Variants in TSNARE1 observed in about 807,000 individuals in gnomAD.
TSNARE1 encodes t-SNARE domain containing 1, also known as t-SNARE domain-containing protein 1.
In TSNARE1, 49 loss-of-function variants were observed where a neutral mutation model predicts 62.0. That is an observed-to-expected ratio of 0.79 (90% confidence interval 0.63 to 1.00). The LOEUF is 1.00. Ranked by LOEUF, TSNARE1 falls within the 50% of genes least tolerant of loss-of-function variation. The pLI, the probability that TSNARE1 is intolerant of heterozygous loss-of-function variation, is 0.00. For synonymous variants in TSNARE1, 328 were observed against 294.4 expected (o/e 1.11, Z -1.17); for missense variants, 755 against 700.1 (o/e 1.08, Z -0.88).
At chr8:142,256,118 TCAC>T (rs796216786) in intron 12 of TSNARE1, among the ~76,000 whole-genome samples, 7 of 56,570 alleles carry the variant, frequency 1.2e-4, no homozygotes, top group Non-Finnish European at 2.0e-4. Context: ...ACCATCACCA[TCAC>T]CACCATCATC....
chr8:142,271,721 C>T, intron 12 of TSNARE1: 1 of 1,341,042 alleles, frequency 7.5e-7, no homozygotes, highest in Non-Finnish European at 9.6e-7. Context: ...AAATGTCAGC[C>T]TGCACACCCA....
At chr8:142,215,212 T>G (rs1340492379) in intron 13 of TSNARE1, among the ~76,000 whole-genome samples, 2 of 152,212 alleles carry the variant, frequency 1.3e-5, no homozygotes, top group Non-Finnish European at 2.9e-5. Context: ...GGCACTGCAC[T>G]GCTCTGGCAG....
At chr8:142,316,354 G>C (rs1586756352) in intron 7 of TSNARE1, among the ~76,000 whole-genome samples, 1 of 151,736 alleles carries the variant, frequency 6.6e-6, no homozygotes, top group Non-Finnish European at 1.5e-5. Flanking sequence ...AAAGGCTCCA[G>C]GCCGCTCAGC....
chr8:142,398,207 C>T (rs144022986), intron 1 of TSNARE1, among the ~76,000 whole-genome samples: 2,386 of 150,826 alleles, frequency 0.016, 56 homozygotes, highest in African/African-American at 0.055. Flanking sequence ...ATCTACCCAG[C>T]CCTGCCCAAA....
chr8:142,394,960 G>A (rs1272901852), intron 1 of TSNARE1, among the ~76,000 whole-genome samples: 9 of 152,122 alleles, frequency 5.9e-5, no homozygotes, highest in Admixed American at 3.3e-4. Flanking sequence ...CAGGTGACCC[G>A]GTCTCCCTTC....
At chr8:142,401,319 A>C (rs556422128) in intron 1 of TSNARE1, among the ~76,000 whole-genome samples, 3 of 152,308 alleles carry the variant, frequency 2.0e-5, no homozygotes, top group East Asian at 3.9e-4. Context: ...GCTCCCAGGC[A>C]CACAGGAGAG....
At chr8:142,313,460 TG>T (rs1332173613) in intron 9 of TSNARE1, among the ~76,000 whole-genome samples, 6 of 152,166 alleles carry the variant, frequency 3.9e-5, no homozygotes, top group Non-Finnish European at 7.4e-5. Context: ...TATCTGCATG[TG>T]TCTGCATGTC....
chr8:142,292,447 A>T (rs1242108691), intron 10 of TSNARE1, among the ~76,000 whole-genome samples: 1 of 152,044 alleles, frequency 6.6e-6, no homozygotes, highest in Non-Finnish European at 1.5e-5. Context: ...GAATTGGACG[A>T]GGGAGACGTG....
At chr8:142,256,311 C>A (rs1281986495) in intron 12 of TSNARE1, among the ~76,000 whole-genome samples, 16 of 107,508 alleles carry the variant, frequency 1.5e-4, no homozygotes, top group East Asian at 2.6e-4. Context: ...CCACCACCAT[C>A]ATCACCACCA....
intron 1 of TSNARE1, among the ~76,000 whole-genome samples, chr8:142,363,268 G>A (rs1195121696): frequency 6.6e-6 from 1 of 152,182 alleles, no homozygotes. Context: ...CCTGTTTCCT[G>A]GTTCCTCTAG....
intron 12 of TSNARE1, among the ~76,000 whole-genome samples, chr8:142,262,452 A>G (rs949453428): frequency 6.6e-6 from 1 of 152,076 alleles, no homozygotes; most frequent in East Asian, 1.9e-4. Flanking sequence ...TTTTGCTGGT[A>G]TTATAAATGG....
At chr8:142,228,547 A>C (rs956508596) in intron 13 of TSNARE1, among the ~76,000 whole-genome samples, 2 of 152,194 alleles carry the variant, frequency 1.3e-5, no homozygotes, top group African/African-American at 4.8e-5. Context: ...ATGGCCCAAC[A>C]TGTTCTGTGC....
At chr8:142,355,264 G>A (rs1014923774) in intron 1 of TSNARE1, among the ~76,000 whole-genome samples, 9 of 152,248 alleles carry the variant, frequency 5.9e-5, no homozygotes, top group Non-Finnish European at 8.8e-5. Flanking sequence ...GGTCAGGCCC[G>A]GGGTTGGCTC....
intron 11 of TSNARE1, chr8:142,278,523 G>A (rs1239224596): frequency 6.1e-6 from 6 of 985,356 alleles, no homozygotes; most frequent in African/African-American, 1.7e-5. Context: ...ATATGCGGAG[G>A]ACGGCGAAGG....
chr8:142,389,751 T>G (rs777226571), intron 1 of TSNARE1, among the ~76,000 whole-genome samples: 5 of 152,246 alleles, frequency 3.3e-5, no homozygotes, highest in Non-Finnish European at 7.3e-5. Flanking sequence ...ATATCATGAC[T>G]TGTGAAAGAA....
chr8:142,384,212 C>T (rs1249249553), intron 1 of TSNARE1, among the ~76,000 whole-genome samples: 1 of 152,114 alleles, frequency 6.6e-6, no homozygotes, highest in Non-Finnish European at 1.5e-5. Flanking sequence ...AGTCTGCCTC[C>T]GTGGCAGGGC....
intron 12 of TSNARE1, among the ~76,000 whole-genome samples, chr8:142,259,699 G>A (rs1380034647): frequency 6.6e-6 from 1 of 152,084 alleles, no homozygotes; most frequent in African/African-American, 2.4e-5. Context: ...CCTCTTACAG[G>A]GCTGCCACCC....
intron 2 of TSNARE1, among the ~76,000 whole-genome samples, chr8:142,351,661 C>T (rs2031720435): frequency 6.6e-6 from 1 of 152,098 alleles, no homozygotes; most frequent in Admixed American, 6.5e-5. Context: ...CGAGACACTT[C>T]TGTAGAAAAA....
At chr8:142,285,999 C>T (rs1272290789) in intron 10 of TSNARE1, among the ~76,000 whole-genome samples, 1 of 152,202 alleles carries the variant, frequency 6.6e-6, no homozygotes, top group Non-Finnish European at 1.5e-5. Context: ...CCATGACCTC[C>T]AGGGCCTCTC....
Sources: allele counts gnomAD v4.1 joint callset (sites outside exome capture counted in the v4.1 genomes callset), GRCh38; gene constraint gnomAD v4.1.1; transcripts MANE v1.5; gene names NCBI Gene and HGNC (gene_info 2026-07-23, HGNC 2026-07-21).